CSNK1G3: variants seen among roughly 807,000 people sequenced by gnomAD.
CSNK1G3 encodes casein kinase 1 gamma 3, also known as casein kinase I isoform gamma-3.
A neutral mutation model predicts 64.3 loss-of-function variants in CSNK1G3; 23 were observed. That is an observed-to-expected ratio of 0.36 (90% CI 0.26 to 0.51). The LOEUF (loss-of-function observed/expected upper bound fraction) is 0.51. Among genes scored for constraint, CSNK1G3 ranks in the 20% least tolerant of loss-of-function variants. CSNK1G3 has a pLI of 0.96. For synonymous variants in CSNK1G3, 158 were observed against 162.2 expected, an observed-to-expected ratio of 0.97 and a Z score of 0.20; for missense variants, 357 against 510.5, an observed-to-expected ratio of 0.70 and a Z score of 2.90.
chr5:123,589,354 T>A (rs1791924471), intron 8 of CSNK1G3, among the ~76,000 whole-genome samples: 1 of 152,192 alleles, frequency 6.6e-6, no homozygotes, highest in South Asian at 2.1e-4. Flanking sequence ...GTAGATTTTT[T>A]AAAATGTCGG....
rs185974358 is a variant in CSNK1G3, at chr5:123,590,870, A to G, written c.990+312A>G. Among the ~76,000 whole-genome samples, 7 of 152,164 alleles carry G rather than the reference A, an allele frequency of 4.6e-5. No homozygotes were observed. The East Asian group carries it at 1.4e-3, about 29-fold the overall frequency. ...ATTAATTTAATACTTCAATCCCTTG[A>G]TGAAAATTAAAATTTGTATGAGTCT... is the stretch of plus-strand genomic sequence containing the variant. On this transcript the variant is annotated intron_variant, in intron 9 of 12. Transcript: ENST00000345990.
chr5:123,614,271 TAA>T, intron 12 of CSNK1G3, 69 bp from the exon 14 acceptor site: 3 of 1,463,230 alleles, frequency 2.1e-6, no homozygotes, highest in Non-Finnish European at 2.8e-6. Context: ...TCATTTAAGT[TAA>T]AGTGATACAG....
chr5:123,547,382 A>G (rs1782724888), intron 2 of CSNK1G3, among the ~76,000 whole-genome samples: 1 of 152,124 alleles, frequency 6.6e-6, no homozygotes, highest in African/African-American at 2.4e-5. Flanking sequence ...ACACACACAG[A>G]TACATATGTA....
chr5:123,587,124 A>G (rs1791474594), intron 6 of CSNK1G3, among the ~76,000 whole-genome samples: 1 of 152,192 alleles, frequency 6.6e-6, no homozygotes, highest in Non-Finnish European at 1.5e-5. Flanking sequence ...CCATATCAAC[A>G]AGTATAGAAT....
intron 4 of CSNK1G3, among the ~76,000 whole-genome samples, chr5:123,568,752 C>T (rs962963168): frequency 6.6e-6 from 1 of 152,176 alleles, no homozygotes; most frequent in African/African-American, 2.4e-5. Flanking sequence ...TGTTTGTTAG[C>T]AGTTCCTGGG....
intron 1 of CSNK1G3, among the ~76,000 whole-genome samples, chr5:123,513,752 A>G (rs1284895727): frequency 2.0e-5 from 3 of 152,218 alleles, no homozygotes; most frequent in Non-Finnish European, 1.5e-5. Flanking sequence ...TCTTTGAAGA[A>G]TATTGGCTTT....
intron 4 of CSNK1G3, 72 bp from the exon 5 acceptor site, chr5:123,573,321 A>G (rs180725730): frequency 1.4e-6 from 2 of 1,472,518 alleles, no homozygotes; most frequent in East Asian, 4.5e-5. Flanking sequence ...AATTTTAAAT[A>G]TCAGTTTTTA....
intron 12 of CSNK1G3, among the ~76,000 whole-genome samples, chr5:123,606,899 G>C (rs903002642): frequency 1.3e-5 from 2 of 152,136 alleles, no homozygotes; most frequent in Non-Finnish European, 2.9e-5. Context: ...AGTTGTACTA[G>C]TATATGTCAG....
At chr5:123,549,466 C>T (rs1424506781) in intron 2 of CSNK1G3, among the ~76,000 whole-genome samples, 1 of 152,166 alleles carries the variant, frequency 6.6e-6, no homozygotes, top group Non-Finnish European at 1.5e-5. Context: ...CTATCTGGCC[C>T]ATACACCCAA....
intron 12 of CSNK1G3, among the ~76,000 whole-genome samples, chr5:123,606,222 T>A: frequency 6.6e-6 from 1 of 152,140 alleles, no homozygotes; most frequent in Non-Finnish European, 1.5e-5. Flanking sequence ...TTTATTGACA[T>A]AAGATTAAGA....
At chr5:123,573,021 A>C (rs1258416834) in intron 4 of CSNK1G3, among the ~76,000 whole-genome samples, 1 of 152,242 alleles carries the variant, frequency 6.6e-6, no homozygotes, top group Non-Finnish European at 1.5e-5. Context: ...TATTAAAGCC[A>C]GTAGTGACTC....
intron 12 of CSNK1G3, among the ~76,000 whole-genome samples, chr5:123,608,611 ATTAAGG>A (rs1460399466): frequency 3.3e-5 from 5 of 152,180 alleles, no homozygotes; most frequent in Non-Finnish European, 5.9e-5. Flanking sequence ...TGTGATGATT[ATTAAGG>A]TATGTCAAAG....
intron 10 of CSNK1G3, among the ~76,000 whole-genome samples, chr5:123,592,131 A>G (rs1366335669): frequency 1.3e-5 from 2 of 152,116 alleles, no homozygotes; most frequent in East Asian, 1.9e-4. Flanking sequence ...GTGGGGCTCT[A>G]TGAAGATTTT....
chr5:123,546,320 G>A (rs1045536832), intron 2 of CSNK1G3, among the ~76,000 whole-genome samples: 9 of 152,058 alleles, frequency 5.9e-5, no homozygotes, highest in Non-Finnish European at 1.2e-4. Context: ...CCCCAAGTAT[G>A]TTTGGGGTGG....
At chr5:123,567,135 ATC>A (rs907146443) in intron 4 of CSNK1G3, among the ~76,000 whole-genome samples, 1 of 152,192 alleles carries the variant, frequency 6.6e-6, no homozygotes, top group African/African-American at 2.4e-5. Context: ...AAGCCATCAG[ATC>A]TTTTGAGACT....
At chr5:123,601,614 A>G (rs889749321) in intron 10 of CSNK1G3, among the ~76,000 whole-genome samples, 7 of 152,204 alleles carry the variant, frequency 4.6e-5, no homozygotes. Flanking sequence ...AGTAAATCCG[A>G]TTATATAATT....
chr5:123,549,774 G>C (rs1783292678), intron 2 of CSNK1G3, among the ~76,000 whole-genome samples: 1 of 152,106 alleles, frequency 6.6e-6, no homozygotes, highest in South Asian at 2.1e-4. Context: ...GTTTTCATGA[G>C]GGACTTTCCT....
chr5:123,591,984 A>C (rs1391800247), intron 10 of CSNK1G3, among the ~76,000 whole-genome samples: 2 of 152,040 alleles, frequency 1.3e-5, no homozygotes, highest in Non-Finnish European at 2.9e-5. Context: ...TTTAGAGCAT[A>C]CAGTAAGCTT....
intron 1 of CSNK1G3, among the ~76,000 whole-genome samples, chr5:123,532,065 T>A (rs1167905578): frequency 6.6e-6 from 1 of 151,884 alleles, no homozygotes; most frequent in Non-Finnish European, 1.5e-5. Flanking sequence ...AAGATTACTC[T>A]TAATTTTTAA....
Sources: allele counts gnomAD v4.1 joint callset (sites outside exome capture counted in the v4.1 genomes callset), GRCh38; gene constraint gnomAD v4.1.1; transcripts MANE v1.5; gene names NCBI Gene and HGNC (gene_info 2026-07-23, HGNC 2026-07-21).